The following KAZN variants were observed in gnomAD, a reference collection of about 807,000 sequenced individuals.
The protein encoded by KAZN is kazrin.
In KAZN, 40 loss-of-function variants were observed where a neutral mutation model predicts 87.4. The observed-to-expected ratio is 0.46, with a 90% CI of 0.36 to 0.60. The LOEUF (loss-of-function observed/expected upper bound fraction) is 0.60. Among genes scored for constraint, KAZN ranks in the 20% least tolerant of loss-of-function variants. The pLI is 0.00. For missense variants in KAZN, 898 were observed against 1,073.9 expected, an observed-to-expected ratio of 0.84 and a Z score of 2.29; for synonymous variants, 466 against 458.3, an observed-to-expected ratio of 1.02 and a Z score of -0.22.
intron 1 of KAZN, among the ~76,000 whole-genome samples, chr1:14,930,745 G>A (rs553771245): frequency 5.3e-5 from 8 of 152,310 alleles, no homozygotes; most frequent in South Asian, 2.1e-4. Flanking sequence ...ACGATTCCCC[G>A]GGCTACCAGG....
At chr1:14,514,592 ATTTT>A (rs1671184781) in intron 2 of KAZN, among the ~76,000 whole-genome samples, 1 of 92,064 alleles carries the variant, frequency 1.1e-5, no homozygotes, top group East Asian at 3.8e-4. Context: ...ATTTTTTTAT[ATTTT>A]ATATATATAT....
At chr1:13,979,026 G>T (rs1249593252) in intron 1 of KAZN, among the ~76,000 whole-genome samples, 1 of 151,864 alleles carries the variant, frequency 6.6e-6, no homozygotes, top group East Asian at 1.9e-4. Flanking sequence ...AGCCTGGAAG[G>T]TTGAGGCTGC....
intron 1 of KAZN, among the ~76,000 whole-genome samples, chr1:14,624,473 A>G (rs1057377256): frequency 2.0e-5 from 3 of 151,652 alleles, no homozygotes; most frequent in Admixed American, 6.6e-5. Flanking sequence ...GGATTTGTCT[A>G]TTTCTCCCTG....
intron 8 of KAZN, among the ~76,000 whole-genome samples, chr1:15,070,941 C>T (rs1639477407): frequency 6.6e-6 from 1 of 152,216 alleles, no homozygotes; most frequent in Non-Finnish European, 1.5e-5. Context: ...CAGTTGGACT[C>T]CACTGGGCGG....
chr1:14,157,142 A>G (rs866815585), intron 1 of KAZN, among the ~76,000 whole-genome samples: 1 of 152,066 alleles, frequency 6.6e-6, no homozygotes, highest in South Asian at 2.1e-4. Flanking sequence ...CTTTAACTTC[A>G]TCCCTTCACT....
intron 1 of KAZN, among the ~76,000 whole-genome samples, chr1:13,953,801 A>G (rs1275132470): frequency 6.6e-6 from 1 of 152,210 alleles, no homozygotes; most frequent in African/African-American, 2.4e-5. Flanking sequence ...TGCACCATCC[A>G]ATATGGTGGC....
At chr1:14,341,275 A>G (rs1020936230) in intron 2 of KAZN, among the ~76,000 whole-genome samples, 2 of 152,118 alleles carry the variant, frequency 1.3e-5, no homozygotes, top group African/African-American at 4.8e-5. Flanking sequence ...AAAATGGGGA[A>G]ATGATGATGA....
At chr1:14,563,271 G>A (rs1281094504) in intron 2 of KAZN, among the ~76,000 whole-genome samples, 2 of 152,172 alleles carry the variant, frequency 1.3e-5, no homozygotes, top group African/African-American at 4.8e-5. Context: ...GCTCTCCTTT[G>A]ACAATCCACA....
intron 1 of KAZN, among the ~76,000 whole-genome samples, chr1:14,621,610 C>G (rs1678702043): frequency 6.6e-6 from 1 of 152,140 alleles, no homozygotes; most frequent in South Asian, 2.1e-4. Context: ...CCAAATCTCA[C>G]CTTGAATTGT....
chr1:13,929,812 G>A (rs755757830), intron 1 of KAZN, among the ~76,000 whole-genome samples: 3 of 152,184 alleles, frequency 2.0e-5, no homozygotes, highest in Non-Finnish European at 4.4e-5. Context: ...TGTTTGCTAC[G>A]ACCAGACCTT....
chr1:14,101,376 T>G (rs1392137443), intron 1 of KAZN, among the ~76,000 whole-genome samples: 1 of 152,252 alleles, frequency 6.6e-6, no homozygotes, highest in East Asian at 1.9e-4. Context: ...ATACTGTTTT[T>G]ATCTCCTTTT....
intron 2 of KAZN, among the ~76,000 whole-genome samples, chr1:14,521,285 G>A (rs1236557879): frequency 2.0e-5 from 3 of 152,190 alleles, no homozygotes. Context: ...TTTTCACTCA[G>A]TGTGCCCAAT....
intron 2 of KAZN, among the ~76,000 whole-genome samples, chr1:14,481,731 C>A (rs144410783): frequency 2.0e-5 from 3 of 151,422 alleles, no homozygotes; most frequent in African/African-American, 7.3e-5. Context: ...ATACACAGGG[C>A]AACTAGAAAC....
chr1:14,080,277 T>C (rs1394893529), intron 1 of KAZN, among the ~76,000 whole-genome samples: 1 of 151,826 alleles, frequency 6.6e-6, no homozygotes, highest in Admixed American at 6.6e-5. Context: ...TAACTAATCT[T>C]TCACAAAGGA....
chr1:14,848,008 A>C (rs1425151716), intron 1 of KAZN, among the ~76,000 whole-genome samples: 1 of 152,158 alleles, frequency 6.6e-6, no homozygotes, highest in Non-Finnish European at 1.5e-5. Context: ...AAAAACCTGG[A>C]ACATAGAAGG....
chr1:14,931,411 T>A (rs1263574037), intron 1 of KAZN, among the ~76,000 whole-genome samples: 1 of 152,066 alleles, frequency 6.6e-6, no homozygotes, highest in Non-Finnish European at 1.5e-5. Context: ...ATCATGCCAC[T>A]GCACTCCATC....
chr1:14,586,934 C>T (rs1037799346), intron 2 of KAZN, among the ~76,000 whole-genome samples: 4 of 152,130 alleles, frequency 2.6e-5, no homozygotes, highest in Admixed American at 1.3e-4. Context: ...GATGTTTTTT[C>T]CTCACTTGCT....
intron 1 of KAZN, among the ~76,000 whole-genome samples, chr1:14,177,611 T>C (rs1324823671): frequency 6.6e-6 from 1 of 152,202 alleles, no homozygotes. Flanking sequence ...CTGGTTTGCA[T>C]AGATTCCGAT....
chr1:14,859,492 G>T (rs1400541335), intron 1 of KAZN, among the ~76,000 whole-genome samples: 2 of 152,106 alleles, frequency 1.3e-5, no homozygotes. Flanking sequence ...TGAAAATCCG[G>T]CTCAAATCTT....
Sources: gnomAD v4.1 joint callset for allele counts (sites outside exome capture counted in the v4.1 genomes callset) on GRCh38, gnomAD v4.1.1 for gene constraint, MANE v1.5 for transcripts, NCBI Gene and HGNC (gene_info 2026-07-23, HGNC 2026-07-21) for gene names.